Variants in LRBA observed in about 807,000 individuals in gnomAD.
The protein encoded by LRBA is lipopolysaccharide-responsive and beige-like anchor protein.
LRBA carries 176 observed loss-of-function variants against 330.0 expected under a neutral mutation model. The observed-to-expected ratio is 0.53, with a 90% CI of 0.47 to 0.60. LRBA has a LOEUF of 0.60. Ranked by LOEUF, LRBA falls within the 20% of genes least tolerant of loss-of-function variation. The pLI, the probability that LRBA is intolerant of heterozygous loss-of-function variation, is 0.00. For synonymous variants in LRBA, 1,230 were observed against 1,193.0 expected, an observed-to-expected ratio of 1.03 and a Z score of -0.64; for missense variants, 3,259 against 3,444.8, an observed-to-expected ratio of 0.95 and a Z score of 1.35.
intron 22 of LRBA, among the ~76,000 whole-genome samples, chr4:150,866,506 A>C (rs1184986535): frequency 3.9e-5 from 6 of 152,228 alleles, no homozygotes; most frequent in Non-Finnish European, 8.8e-5. Flanking sequence ...AGGTGATGTG[A>C]AGCAATGAGA....
At chr4:150,430,703 A>G (rs2151981766) in intron 46 of LRBA, among the ~76,000 whole-genome samples, 1 of 152,158 alleles carries the variant, frequency 6.6e-6, no homozygotes, top group South Asian at 2.1e-4. Flanking sequence ...TTACTTTTGT[A>G]CAGGTTATAA....
chr4:150,764,052 G>A (rs1735440205), intron 34 of LRBA, among the ~76,000 whole-genome samples: 1 of 151,900 alleles, frequency 6.6e-6, no homozygotes. Context: ...AGGAAAGTGA[G>A]ACCTCAAGTT....
rs146433448 is a variant in LRBA at position 150,376,167 on chromosome 4, C to T, written c.7195-26008G>A. Among the ~76,000 whole-genome samples the T allele has an allele frequency of 5.0e-3, 768 of 152,258 alleles. 3 individuals are homozygous for T. Among genetic ancestry groups the T allele is most frequent in the Non-Finnish European group, 7.2e-3 (493 of 68,022 alleles). ...CAGTTGATTTTACTATGAAGTAATG[C>T]AACCCCCACACTGTGTCTAACTTTT... On this transcript the variant is annotated intron_variant, in intron 47 of 56. Transcript: ENST00000651943.
At chr4:150,845,609 G>C (rs1038830266) in intron 26 of LRBA, among the ~76,000 whole-genome samples, 2 of 152,218 alleles carry the variant, frequency 1.3e-5, no homozygotes, top group African/African-American at 2.4e-5. Flanking sequence ...GAACAAAATA[G>C]CAAACTTAAG....
At chr4:150,733,935 T>G (rs1041909050) in intron 36 of LRBA, among the ~76,000 whole-genome samples, 2 of 152,158 alleles carry the variant, frequency 1.3e-5, no homozygotes. Context: ...GACCACAGCA[T>G]TAGAAATTTG....
intron 53 of LRBA, among the ~76,000 whole-genome samples, chr4:150,300,837 T>G (rs1729580414): frequency 6.6e-6 from 1 of 152,112 alleles, no homozygotes; most frequent in South Asian, 2.1e-4. Context: ...GCAATAGTAA[T>G]TACATACAAG....
chr4:150,598,563 T>G (rs1269408021), intron 38 of LRBA, among the ~76,000 whole-genome samples: 1 of 152,196 alleles, frequency 6.6e-6, no homozygotes, highest in Non-Finnish European at 1.5e-5. Flanking sequence ...GGACATTTAT[T>G]ATTATCTTTC....
rs62344598 is a variant in LRBA at position 150,914,212 on chromosome 4, A to T, written c.1144T>A (p.Leu382Met). The T allele has an allele frequency of 4.1e-5, 66 of 1,607,868 alleles. No individual in the cohort carries two copies. The highest frequency in any genetic ancestry group is 5.1e-5 in the Non-Finnish European group (60 of 1,176,846). The change falls in exon 9 of 57, where the codon TTG becomes ATG. Residue 382 changes from leucine to methionine, a missense_variant. By Grantham distance (15) the Leu-to-Met change is conservative. Coordinates refer to ENST00000651943, the MANE Select transcript of LRBA (RefSeq NM_001364905.1). The part of the protein sequence containing the change: ...NAAQIFAIYQ[L>M]GLGYKGTFKF... The stretch of plus-strand genomic sequence containing the variant: ...CAAACTACCTTGTATCCCAGGCCCA[A>T]CTGATAAATAGCAAATATCTGAGCT...
chr4:150,670,536 A>C (rs1367863889), intron 37 of LRBA, among the ~76,000 whole-genome samples: 3 of 152,200 alleles, frequency 2.0e-5, no homozygotes, highest in Admixed American at 2.0e-4. Context: ...ATTTATCCAA[A>C]AAGATCTAGT....
At chr4:150,876,962 G>C (rs138014473) in intron 17 of LRBA, among the ~76,000 whole-genome samples, 1 of 152,208 alleles carries the variant, frequency 6.6e-6, no homozygotes, top group East Asian at 1.9e-4. Context: ...GTCTTTAAGA[G>C]ACCTATTTCA....
At chr4:150,802,944 C>G (rs1303016315) in intron 33 of LRBA, among the ~76,000 whole-genome samples, 1 of 149,456 alleles carries the variant, frequency 6.7e-6, no homozygotes, top group South Asian at 2.1e-4. Flanking sequence ...ATTGCTTGAA[C>G]TCGGGAGGCA....
At chr4:150,786,254 CT>C (rs34501190) in intron 34 of LRBA, among the ~76,000 whole-genome samples, 143 of 137,106 alleles carry the variant, frequency 1.0e-3, no homozygotes, top group Admixed American at 1.3e-3. Flanking sequence ...TTTTGCATTT[CT>C]TTTTTTTTTT....
At chr4:150,379,303 C>CAAAAAAA (rs10634420) in intron 47 of LRBA, among the ~76,000 whole-genome samples, 15 of 59,848 alleles carry the variant, frequency 2.5e-4, no homozygotes, top group African/African-American at 3.6e-4. Flanking sequence ...AACTCTAGCT[C>CAAAAAAA]AAAAAAAAAA....
At chr4:150,502,914 C>G (rs532962332) in intron 40 of LRBA, among the ~76,000 whole-genome samples, 1 of 152,246 alleles carries the variant, frequency 6.6e-6, no homozygotes, top group Non-Finnish European at 1.5e-5. Context: ...TATCCCGCAC[C>G]TGACTCAGAG....
chr4:150,996,308 T>C (rs371735897), intron 2 of LRBA, among the ~76,000 whole-genome samples: 69 of 152,272 alleles, frequency 4.5e-4, no homozygotes, highest in African/African-American at 1.6e-3. Flanking sequence ...CAAAAGACAC[T>C]AACAAGTAGC....
intron 40 of LRBA, among the ~76,000 whole-genome samples, chr4:150,518,615 C>A (rs1402553800): frequency 6.6e-6 from 1 of 152,266 alleles, no homozygotes; most frequent in South Asian, 2.1e-4. Flanking sequence ...AACCAGCCTC[C>A]CTTCCTTCTC....
intron 46 of LRBA, among the ~76,000 whole-genome samples, chr4:150,435,182 T>TA (rs1005119813): frequency 1.5e-4 from 23 of 149,840 alleles, no homozygotes; most frequent in Admixed American, 5.3e-4. Flanking sequence ...CCATCTCTAC[T>TA]AAAAAAAAAT....
At chr4:150,658,770 T>C (rs1304204903) in intron 37 of LRBA, among the ~76,000 whole-genome samples, 2 of 17,742 alleles carry the variant, frequency 1.1e-4, no homozygotes, top group African/African-American at 2.3e-4. Flanking sequence ...TCCCTCTCCC[T>C]CTCCCCACGG....
chr4:150,716,998 T>C (rs371401452), intron 36 of LRBA, among the ~76,000 whole-genome samples: 18 of 152,282 alleles, frequency 1.2e-4, no homozygotes, highest in African/African-American at 4.3e-4. Context: ...GGTACTGAAA[T>C]GAGACAATGT....
Sources: allele counts gnomAD v4.1 joint callset (sites outside exome capture counted in the v4.1 genomes callset), GRCh38; gene constraint gnomAD v4.1.1; transcripts MANE v1.5; gene names NCBI Gene and HGNC (gene_info 2026-07-23, HGNC 2026-07-21).